The following MKLN1 variants were observed in gnomAD, a reference collection of about 807,000 sequenced individuals.
The protein encoded by MKLN1 is muskelin.
A neutral mutation model predicts 99.0 loss-of-function variants in MKLN1; 18 were observed. The observed-to-expected ratio is 0.18, with a 90% confidence interval of 0.13 to 0.27. The LOEUF is 0.27. Ranked by LOEUF, MKLN1 falls within the 10% of genes least tolerant of loss-of-function variation. The pLI, the probability that MKLN1 is intolerant of heterozygous loss-of-function variation, is 1.00. For missense variants in MKLN1, 621 were observed against 875.9 expected (o/e 0.71, Z 3.67); for synonymous variants, 288 against 293.2 (o/e 0.98, Z 0.18).
chr7:131,409,388 AG>A (rs999544445), intron 6 of MKLN1, among the ~76,000 whole-genome samples: 2 of 152,220 alleles, frequency 1.3e-5, no homozygotes, highest in African/African-American at 4.8e-5. Context: ...CATTAAAACA[AG>A]GTAGTAAAAG....
At chr7:131,159,008 T>C (rs1796008471) in intron 2 of MKLN1, among the ~76,000 whole-genome samples, 3 of 152,034 alleles carry the variant, frequency 2.0e-5, no homozygotes, top group East Asian at 3.9e-4. Flanking sequence ...CTGGGCAACA[T>C]GGTGAAACCT....
upstream of MKLN1, chr7:131,327,794 G>T: frequency 6.9e-7 from 1 of 1,452,956 alleles, no homozygotes. Context: ...GGCGGGGAGC[G>T]CGGGCGGCCG....
intron 3 of MKLN1, among the ~76,000 whole-genome samples, chr7:131,203,774 G>T (rs1477724895): frequency 6.6e-6 from 1 of 152,066 alleles, no homozygotes; most frequent in Non-Finnish European, 1.5e-5. Flanking sequence ...CACTCTCTCT[G>T]TCTCTCCCTG....
At chr7:131,382,546 T>C (rs1793884614) in intron 2 of MKLN1, among the ~76,000 whole-genome samples, 1 of 152,026 alleles carries the variant, frequency 6.6e-6, no homozygotes, top group South Asian at 2.1e-4. Context: ...GTTTTGAGAG[T>C]TCTGTGTATG....
intron 1 of MKLN1, among the ~76,000 whole-genome samples, chr7:131,122,601 G>A (rs1393142389): frequency 2.6e-5 from 4 of 152,188 alleles, no homozygotes; most frequent in Admixed American, 2.6e-4. Context: ...GTAATACACT[G>A]TAATCACTCA....
At chr7:131,143,828 A>G (rs1795776850) in intron 2 of MKLN1, among the ~76,000 whole-genome samples, 1 of 151,908 alleles carries the variant, frequency 6.6e-6, no homozygotes, top group Admixed American at 6.6e-5. Flanking sequence ...ACCTTATCTC[A>G]AAAAAAATAA....
chr7:131,364,410 T>G (rs992040198), intron 1 of MKLN1, among the ~76,000 whole-genome samples: 2 of 152,088 alleles, frequency 1.3e-5, no homozygotes, highest in African/African-American at 4.8e-5. Flanking sequence ...CCAAACTGAT[T>G]AATCTTGGGT....
chr7:131,436,656 T>C (rs1795683712), intron 9 of MKLN1, among the ~76,000 whole-genome samples: 1 of 152,216 alleles, frequency 6.6e-6, no homozygotes, highest in African/African-American at 2.4e-5. Context: ...TACACAGTAA[T>C]AGTGTAAACA....
Position 131,457,909 on chromosome 7 carries a change from C to T in MKLN1, c.1526-5308C>T, listed in dbSNP as rs560719465. 2.3e-3 allele frequency among the ~76,000 whole-genome samples: 356 copies of T among 151,694 alleles called. 1 individual carries two copies. Among genetic ancestry groups the T allele is most frequent in the Middle Eastern group, 6.8e-3 (2 of 294 alleles). On this transcript the variant is annotated intron_variant, in intron 12 of 17. Coordinates refer to ENST00000352689, the MANE Select transcript of MKLN1 (RefSeq NM_013255.5). The stretch of plus-strand genomic sequence containing the variant: ...CAGCCTGGGCAACAAGAGTGAAACT[C>T]CATCTCAAAAAAAAAATGTAGGTGA...
At chr7:131,271,186 G>A (rs1312034569) in intron 3 of MKLN1, among the ~76,000 whole-genome samples, 1 of 152,152 alleles carries the variant, frequency 6.6e-6, no homozygotes, top group African/African-American at 2.4e-5. Context: ...AGGAAAAGGA[G>A]GGGGCCTACA....
chr7:131,118,561 AAAAAAGAAAGAAAG>A (rs906725580), intron 1 of MKLN1, among the ~76,000 whole-genome samples: 10 of 152,086 alleles, frequency 6.6e-5, no homozygotes, highest in Admixed American at 1.3e-4. Flanking sequence ...CTCAAAAAAA[AAAAAAGAAAGAAAG>A]AAAAGAAAGA....
chr7:131,247,523 C>T (rs1385061441), intron 3 of MKLN1, among the ~76,000 whole-genome samples: 1 of 151,992 alleles, frequency 6.6e-6, no homozygotes, highest in African/African-American at 2.4e-5. Context: ...TTACTGAGAG[C>T]TTTATATGTG....
At chr7:131,376,236 T>A (rs976379592) in intron 2 of MKLN1, among the ~76,000 whole-genome samples, 3 of 149,392 alleles carry the variant, frequency 2.0e-5, no homozygotes, top group Non-Finnish European at 4.4e-5. Context: ...TATATATTTA[T>A]AATTTTTGGG....
chr7:131,262,150 A>T (rs1227198938), intron 3 of MKLN1, among the ~76,000 whole-genome samples: 1 of 152,134 alleles, frequency 6.6e-6, no homozygotes, highest in Admixed American at 6.5e-5. Flanking sequence ...TTAAAGAATA[A>T]CTCGGCTGGG....
intron 3 of MKLN1, among the ~76,000 whole-genome samples, chr7:131,244,150 A>G (rs1002650310): frequency 2.0e-5 from 3 of 152,186 alleles, no homozygotes; most frequent in East Asian, 1.9e-4. Context: ...TCTACTCCCC[A>G]GGGACCTGAT....
chr7:131,243,922 G>C (rs960724917), intron 3 of MKLN1, among the ~76,000 whole-genome samples: 1 of 152,154 alleles, frequency 6.6e-6, no homozygotes, highest in African/African-American at 2.4e-5. Context: ...GGCTGAGGCA[G>C]GAGAATCGCT....
intron 3 of MKLN1, among the ~76,000 whole-genome samples, chr7:131,220,219 C>T (rs2171354): frequency 0.39 from 59,157 of 151,996 alleles, 12,315 homozygotes; most frequent in East Asian, 0.75. Flanking sequence ...AAACTATTTA[C>T]AAGTTAATTT....
At chr7:131,478,003 A>G (rs564125082) in intron 16 of MKLN1, among the ~76,000 whole-genome samples, 4 of 152,350 alleles carry the variant, frequency 2.6e-5, no homozygotes, top group African/African-American at 7.2e-5. Flanking sequence ...GTTCAATTAC[A>G]TTGTCTGTTT....
At chr7:131,369,558 TATTCTTATCAA>T (rs1229624451) in intron 1 of MKLN1, among the ~76,000 whole-genome samples, 1 of 152,238 alleles carries the variant, frequency 6.6e-6, no homozygotes, top group Admixed American at 6.5e-5. Context: ...TTGTTCATCT[TATTCTTATCAA>T]GTGTAACAGC....
Sources: gnomAD v4.1 joint callset for allele counts (sites outside exome capture counted in the v4.1 genomes callset) on GRCh38, gnomAD v4.1.1 for gene constraint, MANE v1.5 for transcripts, NCBI Gene and HGNC (gene_info 2026-07-23, HGNC 2026-07-21) for gene names.